The following FAT3 variants were observed in gnomAD, a reference collection of about 807,000 sequenced individuals.
The protein encoded by FAT3 is protocadherin Fat 3.
FAT3 carries 95 observed loss-of-function variants against 310.2 expected under a neutral mutation model. That is an observed-to-expected ratio of 0.31 (90% CI 0.26 to 0.36). The LOEUF (loss-of-function observed/expected upper bound fraction) is 0.36, where lower values mean the gene tolerates loss of function less well. FAT3 is among the 10% of genes least tolerant of loss of function. The pLI is 1.00. For synonymous variants in FAT3, 2,314 were observed against 2,192.9 expected, an observed-to-expected ratio of 1.06 and a Z score of -1.54; for missense variants, 5,408 against 5,715.6, an observed-to-expected ratio of 0.95 and a Z score of 1.74.
In FAT3 at chr11:92,858,873, T is replaced by A. The variant is rs77140280; in HGVS notation, c.11501-292T>A. Among the ~76,000 whole-genome samples the A allele has an allele frequency of 9.2e-3, 1,404 of 152,296 alleles. 13 individuals are homozygous for A. The highest frequency in any genetic ancestry group is 0.032 in the African/African-American group (1,328 of 41,554). On this transcript the variant is annotated intron_variant, in intron 20 of 27. Coordinates refer to ENST00000525166, the MANE Select transcript of FAT3 (RefSeq NM_001367949.2). Reference sequence around the variant, plus strand: ...TTTTAGAAAGTGGGAGTTGGAAATTTAGTAACATTAAGAAAATCCAAGTTG... The same window carrying A: ...TTTTAGAAAGTGGGAGTTGGAAATTAAGTAACATTAAGAAAATCCAAGTTG...
chr11:92,596,811 G>T (rs1939733007), intron 3 of FAT3, among the ~76,000 whole-genome samples: 1 of 152,170 alleles, frequency 6.6e-6, no homozygotes, highest in African/African-American at 2.4e-5. Flanking sequence ...GAGCTTAAAT[G>T]CAGTTACTGT....
intron 1 of FAT3, among the ~76,000 whole-genome samples, chr11:92,318,997 A>G (rs75788889): frequency 0.028 from 4,331 of 152,272 alleles, 225 homozygotes; most frequent in African/African-American, 0.098. Flanking sequence ...AAACACAACA[A>G]ACATCCTCTT....
intron 1 of FAT3, among the ~76,000 whole-genome samples, chr11:92,227,731 C>T (rs908278994): frequency 6.7e-6 from 1 of 148,198 alleles, no homozygotes; most frequent in Non-Finnish European, 1.5e-5. Context: ...CCAACTGCTT[C>T]TGCTTTTTTT....
intron 1 of FAT3, among the ~76,000 whole-genome samples, chr11:92,325,877 G>T (rs1350874272): frequency 6.6e-6 from 1 of 152,168 alleles, no homozygotes; most frequent in Admixed American, 6.5e-5. Context: ...TGATCTGCCC[G>T]CCTGGGCCTC....
At chr11:92,427,150 A>G (rs1251717270) in intron 2 of FAT3, among the ~76,000 whole-genome samples, 1 of 152,080 alleles carries the variant, frequency 6.6e-6, no homozygotes, top group Non-Finnish European at 1.5e-5. Context: ...TGTGAATGGG[A>G]GTTCACTCAT....
chr11:92,670,020 T>C (rs150813466), intron 3 of FAT3, among the ~76,000 whole-genome samples: 196 of 152,340 alleles, frequency 1.3e-3, no homozygotes, highest in African/African-American at 4.7e-3. Flanking sequence ...GTCAGTTTTC[T>C]AAGCTGTCAA....
intron 1 of FAT3, among the ~76,000 whole-genome samples, chr11:92,341,746 C>G (rs1463971477): frequency 6.6e-6 from 1 of 152,064 alleles, no homozygotes; most frequent in African/African-American, 2.4e-5. Flanking sequence ...TGTTTGGTTT[C>G]TTCTTTTCCT....
chr11:92,746,120 A>G (rs574138810), intron 4 of FAT3, among the ~76,000 whole-genome samples: 1 of 152,360 alleles, frequency 6.6e-6, no homozygotes, highest in South Asian at 2.1e-4. Flanking sequence ...ACAACTTTTT[A>G]GGCAAAATGT....
chr11:92,705,769 TG>T (rs1944310291), intron 4 of FAT3, among the ~76,000 whole-genome samples: 1 of 44,992 alleles, frequency 2.2e-5, no homozygotes, highest in South Asian at 8.5e-4. Context: ...GATGGTGTGA[TG>T]GTGGTGGTGA....
At chr11:92,369,122 G>A (rs1949114685) in intron 2 of FAT3, among the ~76,000 whole-genome samples, 1 of 151,938 alleles carries the variant, frequency 6.6e-6, no homozygotes, top group African/African-American at 2.4e-5. Flanking sequence ...TGTAATCAAG[G>A]GGAAAGAGAA....
At position 92,373,624 on chromosome 11, in the gene FAT3, T is replaced by G. The variant is rs1949256158; in HGVS notation, c.3292+18220T>G. ...CAATATATAGTATATACTGTTATAA[T>G]GAACGCGTGATGAACTCCTACAGTA... On this transcript the variant is annotated intron_variant, in intron 2 of 27. Coordinates refer to ENST00000525166, the MANE Select transcript of FAT3 (RefSeq NM_001367949.2). 2.0e-5 allele frequency among the ~76,000 whole-genome samples: 3 copies of G among 152,110 alleles called. No individual in the cohort carries two copies. In the South Asian group the frequency reaches 6.2e-4, roughly 32 times the overall value.
intron 4 of FAT3, among the ~76,000 whole-genome samples, chr11:92,748,502 A>T (rs900012006): frequency 5.3e-5 from 8 of 151,500 alleles, no homozygotes; most frequent in Non-Finnish European, 8.8e-5. Flanking sequence ...TTTCCTTTGA[A>T]CCCTCATTCT....
intron 3 of FAT3, among the ~76,000 whole-genome samples, chr11:92,627,693 T>G (rs1941388606): frequency 6.6e-6 from 1 of 152,186 alleles, no homozygotes; most frequent in Non-Finnish European, 1.5e-5. Flanking sequence ...TTTACTCTCT[T>G]TAGACGTTCC....
chr11:92,720,187 T>C (rs567755023), intron 4 of FAT3, among the ~76,000 whole-genome samples: 6 of 152,220 alleles, frequency 3.9e-5, no homozygotes, highest in Non-Finnish European at 8.8e-5. Context: ...GATTTTCATC[T>C]ATATTTTCTC....
intron 4 of FAT3, among the ~76,000 whole-genome samples, chr11:92,715,974 C>A (rs1469951325): frequency 1.3e-5 from 2 of 152,094 alleles, no homozygotes; most frequent in East Asian, 3.9e-4. Context: ...CGACTAGATA[C>A]TTGATGAAAT....
chr11:92,530,532 C>A (rs976241677), intron 3 of FAT3, among the ~76,000 whole-genome samples: 1 of 152,066 alleles, frequency 6.6e-6, no homozygotes, highest in Non-Finnish European at 1.5e-5. Flanking sequence ...AAATGAAAAT[C>A]CTGTCTCTAA....
chr11:92,879,040 A>T (rs778433761), intron 22 of FAT3, among the ~76,000 whole-genome samples: 1 of 151,958 alleles, frequency 6.6e-6, no homozygotes, highest in Non-Finnish European at 1.5e-5. Context: ...ATCCTCCAAG[A>T]TGTTAAAGAG....
intron 3 of FAT3, among the ~76,000 whole-genome samples, chr11:92,623,206 A>G (rs1296032492): frequency 7.9e-6 from 1 of 126,478 alleles, no homozygotes; most frequent in South Asian, 2.3e-4. Context: ...ACATTAGTCA[A>G]ATCTGACTAA....
chr11:92,791,112 T>C (rs566000810), intron 8 of FAT3, among the ~76,000 whole-genome samples: 1 of 152,286 alleles, frequency 6.6e-6, no homozygotes, highest in Non-Finnish European at 1.5e-5. Flanking sequence ...GAAGCTTGAG[T>C]GTCATGCACT....
Sources: gnomAD v4.1 joint callset for allele counts (sites outside exome capture counted in the v4.1 genomes callset) on GRCh38, gnomAD v4.1.1 for gene constraint, MANE v1.5 for transcripts, NCBI Gene and HGNC (gene_info 2026-07-23, HGNC 2026-07-21) for gene names.